The following PCBP2 variants were observed in gnomAD, a reference collection of about 807,000 sequenced individuals.
PCBP2 encodes poly(rC)-binding protein 2.
In PCBP2, 4 loss-of-function variants were observed where a neutral mutation model predicts 50.1. The observed-to-expected ratio is 0.08, with a 90% confidence interval of 0.04 to 0.18. The LOEUF (loss-of-function observed/expected upper bound fraction) is 0.18, where lower values mean the gene tolerates loss of function less well. Ranked by LOEUF, PCBP2 falls within the 10% of genes least tolerant of loss-of-function variation. The probability of loss-of-function intolerance (pLI) is 1.00; values close to 1 mark genes in which losing one functional copy is unlikely to be tolerated. For synonymous variants in PCBP2, 179 were observed against 168.0 expected, an observed-to-expected ratio of 1.07 and a Z score of -0.51; for missense variants, 161 against 474.3, an observed-to-expected ratio of 0.34 and a Z score of 6.14.
intron 2 of PCBP2, 43 bp downstream of exon 2, chr12:53,454,912 G>GGAGGGGC: frequency 6.6e-7 from 1 of 1,507,836 alleles, no homozygotes. Context: ...AACTGCTAGG[G>GGAGGGGC]GAGGGGCCAG....
chr12:53,457,743 TA>T (rs1172233662), intron 5 of PCBP2, among the ~76,000 whole-genome samples: 1 of 152,172 alleles, frequency 6.6e-6, no homozygotes, highest in Non-Finnish European at 1.5e-5. Flanking sequence ...TTAGGGGTCT[TA>T]AGTGCTTAAG....
At chr12:53,461,738 T>G (rs1400022270) in intron 7 of PCBP2, among the ~76,000 whole-genome samples, 1 of 151,968 alleles carries the variant, frequency 6.6e-6, no homozygotes, top group African/African-American at 2.4e-5. Flanking sequence ...GTGTGACGGG[T>G]TCACTTTGTC....
At chr12:53,469,025 C>T (rs1942012630) in intron 13 of PCBP2, among the ~76,000 whole-genome samples, 193 bp downstream of exon 13, 1 of 151,150 alleles carries the variant, frequency 6.6e-6, no homozygotes, top group South Asian at 2.1e-4. Flanking sequence ...GCCTCAACCT[C>T]CTGAGTAGCT....
chr12:53,455,011 T>C, intron 2 of PCBP2, 142 bp downstream of exon 2: 1 of 753,024 alleles, frequency 1.3e-6, no homozygotes, highest in Non-Finnish European at 2.3e-6. Flanking sequence ...TAGAAGTGAG[T>C]GTAGTGGGAA....
chr12:53,470,757 T>C (rs1308057627), intron 13 of PCBP2, among the ~76,000 whole-genome samples: 1 of 23,202 alleles, frequency 4.3e-5, no homozygotes, highest in Non-Finnish European at 1.6e-4. Flanking sequence ...TGTTAACCAG[T>C]TTTTTTTTTT....
intron 8 of PCBP2, 84 bp downstream of exon 8, chr12:53,462,651 C>A: frequency 9.2e-7 from 1 of 1,083,734 alleles, no homozygotes; most frequent in Non-Finnish European, 1.4e-6. Flanking sequence ...CCAAGCCACT[C>A]TGCATGCTTG....
chr12:53,471,876 T>A, intron 14 of PCBP2, 69 bp downstream of exon 14: 1 of 1,407,782 alleles, frequency 7.1e-7, no homozygotes, highest in Non-Finnish European at 9.7e-7. Flanking sequence ...AGAGCTGCAG[T>A]GTATTAAATA....
chr12:53,465,952 G>A lies in PCBP2; in HGVS notation c.693G>A (p.Gln231=), dbSNP rs777979580. 6 of 1,613,942 alleles carry A rather than the reference G, an allele frequency of 3.7e-6. No individual in the cohort carries two copies. The Admixed American group carries it at 5.0e-5, about 13-fold the overall frequency. Reference sequence around the variant, plus strand: ...TGTAGGCCTATACCATTCAAGGACAGTATGCCATTCCACAGCCAGATGTAA... The same window carrying A: ...TGTAGGCCTATACCATTCAAGGACAATATGCCATTCCACAGCCAGATGTAA... ...PPLEAYTIQG[Q]YAIPQPDLTK... Residue 231 remains glutamine (Q), a synonymous_variant, in exon 10 of 15, where the codon CAG becomes CAA. Transcript: ENST00000546463.
Position 53,479,531 on chromosome 12 carries a change from G to A in PCBP2, c.*89G>A. The A allele has an allele frequency of 8.7e-7, 1 of 1,154,650 alleles. No homozygotes were observed. The highest frequency in any genetic ancestry group is 1.3e-6 in the Non-Finnish European group (1 of 777,636). The allele number at this position is 1,154,650 out of a possible 1,614,324, so 71.5% of individuals were successfully genotyped here. A position where few individuals can be genotyped will look rare whatever the true frequency, so the allele number is the denominator to read the frequency against. On this transcript the variant is annotated 3_prime_UTR_variant, in exon 15 of 15. Transcript: ENST00000546463. Reference sequence around the variant, plus strand: ...AGTTTCTGAACAGTCAGCGATTCCAGGTTTTAAATAGTTTGTAAATTTTCA... The same window carrying A: ...AGTTTCTGAACAGTCAGCGATTCCAAGTTTTAAATAGTTTGTAAATTTTCA...
intron 5 of PCBP2, among the ~76,000 whole-genome samples, chr12:53,456,993 G>T (rs892255550): frequency 6.6e-6 from 1 of 152,160 alleles, no homozygotes; most frequent in East Asian, 1.9e-4. Context: ...TAGAAAACAC[G>T]TTTTATTCTT....
rs1942930013 is a variant in PCBP2 at position 53,479,684 on chromosome 12, G to GTTTTTTTTTTTT, written c.*242_*243insTTTTTTTTTTTT. On this transcript the variant is annotated 3_prime_UTR_variant, in exon 15 of 15. Coordinates refer to ENST00000546463, the MANE Select transcript of PCBP2 (RefSeq NM_031989.5). ...AGCTTCTCCCTGGTTTTTTTTTTTT[G>GTTTTTTTTTTTT]GCTCATGAATTTTTCTGTTTGTCAT... is the stretch of plus-strand genomic sequence containing the variant. The GTTTTTTTTTTTT allele has an allele frequency of 2.5e-5, 1 of 40,806 alleles. No individual in the cohort carries two copies. Among genetic ancestry groups the GTTTTTTTTTTTT allele is most frequent in the Non-Finnish European group, 4.9e-5 (1 of 20,320 alleles). 2.5% of individuals were successfully genotyped at this position (40,806 alleles called of 1,614,324 possible).
chr12:53,478,467 C>T (rs1279775852), intron 14 of PCBP2, among the ~76,000 whole-genome samples: 1 of 151,728 alleles, frequency 6.6e-6, no homozygotes, highest in African/African-American at 2.4e-5. Context: ...GAGATTGCGC[C>T]ATTGCACTCC....
At chr12:53,471,270 C>T (rs1012864703) in intron 13 of PCBP2, among the ~76,000 whole-genome samples, 2 of 151,366 alleles carry the variant, frequency 1.3e-5, no homozygotes, top group Admixed American at 6.6e-5. Context: ...CATAGCGAGA[C>T]CCTCGGTTTT....
intron 14 of PCBP2, among the ~76,000 whole-genome samples, chr12:53,474,271 T>A (rs1424069591): frequency 1.3e-5 from 2 of 152,228 alleles, no homozygotes. Flanking sequence ...TCTCAGCATT[T>A]TTCTTTGAAA....
At chr12:53,467,604 A>T in intron 11 of PCBP2, 1 of 626,900 alleles carries the variant, frequency 1.6e-6, no homozygotes, top group South Asian at 2.0e-5. Context: ...CCTTGATCTG[A>T]TCAGCACCCC....
At position 53,459,292 on chromosome 12, in the gene PCBP2, C is replaced by T; in HGVS notation, c.264C>T (p.Thr88=). 3 of 1,612,244 alleles carry T rather than the reference C, an allele frequency of 1.9e-6. No homozygotes were observed. The highest frequency in any genetic ancestry group is 1.7e-6 in the Non-Finnish European group (2 of 1,178,996). ...TGTAGGACATAAGCAGCTCTATGAC[C>T]AATAGCACAGCTGCCAGTAGACCCC... is the stretch of plus-strand genomic sequence containing the variant. ...KLEEDISSSM[T]NSTAASRPPV... The change falls in exon 6 of 15, where the codon ACC becomes ACT. Residue 88 remains threonine, a synonymous_variant. Coordinates refer to ENST00000546463, the MANE Select transcript of PCBP2 (RefSeq NM_031989.5).
At chr12:53,470,634 T>A (rs1449444918) in intron 13 of PCBP2, among the ~76,000 whole-genome samples, 1 of 152,030 alleles carries the variant, frequency 6.6e-6, no homozygotes, top group Non-Finnish European at 1.5e-5. Flanking sequence ...ACGCAAGTGA[T>A]TGGCCTGCCT....
At chr12:53,467,505 G>GC (rs1436972585) in intron 11 of PCBP2, 7 of 629,400 alleles carry the variant, frequency 1.1e-5, no homozygotes, top group Non-Finnish European at 2.0e-5. Flanking sequence ...GAAAAAAAAA[G>GC]CCCTGGAAGG....
At chr12:53,460,574 A>G (rs768208935) in intron 6 of PCBP2, 7 of 214,934 alleles carry the variant, frequency 3.3e-5, no homozygotes, top group South Asian at 1.1e-4. Flanking sequence ...CGTATCGTAC[A>G]TGGCACGACA....
Sources: gnomAD v4.1 joint callset for allele counts (sites outside exome capture counted in the v4.1 genomes callset) on GRCh38, gnomAD v4.1.1 for gene constraint, MANE v1.5 for transcripts, NCBI Gene and HGNC (gene_info 2026-07-23, HGNC 2026-07-21) for gene names.